The following LINGO2 variants were observed in gnomAD, a reference collection of about 807,000 sequenced individuals.
The protein encoded by LINGO2 is leucine-rich repeat and immunoglobulin-like domain-containing nogo receptor-interacting protein 2.
In LINGO2, 14 loss-of-function variants were observed where a neutral mutation model predicts 30.6. The observed-to-expected ratio is 0.46, with a 90% CI of 0.30 to 0.72. LINGO2 has a LOEUF of 0.72. Among genes scored for constraint, LINGO2 ranks in the 30% least tolerant of loss-of-function variants. The pLI, the probability that LINGO2 is intolerant of heterozygous loss-of-function variation, is 0.07. For missense variants in LINGO2, 729 were observed against 751.7 expected (o/e 0.97, Z 0.35); for synonymous variants, 317 against 288.5 (o/e 1.10, Z -1.00).
intron 1 of LINGO2, among the ~76,000 whole-genome samples, chr9:28,479,327 T>C (rs915288514): frequency 2.0e-5 from 3 of 151,986 alleles, no homozygotes; most frequent in Admixed American, 6.6e-5. Flanking sequence ...TGCTAGAAGA[T>C]ATTTTAGGTA....
chr9:28,416,284 A>T (rs1470199396), intron 2 of LINGO2, among the ~76,000 whole-genome samples: 2 of 152,150 alleles, frequency 1.3e-5, no homozygotes, highest in Admixed American at 1.3e-4. Context: ...TAAAGATGCT[A>T]GATTAATAAG....
the LINGO2 span, among the ~76,000 whole-genome samples, chr9:29,008,032 T>C: frequency 2.6e-5 from 4 of 152,138 alleles, no homozygotes; most frequent in African/African-American, 9.7e-5. Flanking sequence ...ACCCATTAAC[T>C]TGCCATTTAA....
At chr9:29,186,106 A>T in the LINGO2 span, among the ~76,000 whole-genome samples, 4 of 152,114 alleles carry the variant, frequency 2.6e-5, no homozygotes, top group Non-Finnish European at 5.9e-5. Context: ...TATTTCTCAC[A>T]TTCCAATTTT....
At chr9:29,098,712 G>T in the LINGO2 span, among the ~76,000 whole-genome samples, 1 of 152,070 alleles carries the variant, frequency 6.6e-6, no homozygotes, top group Non-Finnish European at 1.5e-5. Context: ...TGCTGATATT[G>T]TACTTTATAT....
intron 1 of LINGO2, among the ~76,000 whole-genome samples, chr9:28,572,624 T>C (rs1307192249): frequency 6.6e-6 from 1 of 152,044 alleles, no homozygotes; most frequent in African/African-American, 2.4e-5. Context: ...AATTGAAGGA[T>C]TTAAGGGGAA....
Position 28,067,093 on chromosome 9 carries a change from T to C in LINGO2, c.-86-54688A>G, listed in dbSNP as rs577953286. 3.9e-5 allele frequency among the ~76,000 whole-genome samples: 6 copies of C among 152,262 alleles called. No homozygotes were observed. In the South Asian group the frequency reaches 6.2e-4, roughly 16 times the overall value. On this transcript the variant is annotated intron_variant, in intron 4 of 5. Coordinates refer to ENST00000379992, the Ensembl canonical transcript of LINGO2. Reference sequence around the variant, plus strand: ...TATGAACTCTGGTCCTCTTATTTTATGCCAGCACTCAAAGTTTCAAAATAT... The same window carrying C: ...TATGAACTCTGGTCCTCTTATTTTACGCCAGCACTCAAAGTTTCAAAATAT...
the LINGO2 span, among the ~76,000 whole-genome samples, chr9:28,710,751 C>A: frequency 6.6e-6 from 1 of 152,002 alleles, no homozygotes; most frequent in Non-Finnish European, 1.5e-5. Context: ...CTTGATTAAC[C>A]CTCCAATTAC....
the LINGO2 span, among the ~76,000 whole-genome samples, chr9:29,087,076 CA>C: frequency 6.6e-6 from 1 of 152,126 alleles, no homozygotes; most frequent in South Asian, 2.1e-4. Flanking sequence ...GGGGTTTCAC[CA>C]TGTTGGCCAG....
chr9:29,204,317 C>A, the LINGO2 span, among the ~76,000 whole-genome samples: 3 of 152,300 alleles, frequency 2.0e-5, no homozygotes, highest in East Asian at 3.9e-4. Flanking sequence ...ATGGATAAAT[C>A]CCTGTCATTC....
At chr9:28,975,129 G>A in the LINGO2 span, among the ~76,000 whole-genome samples, 3 of 152,082 alleles carry the variant, frequency 2.0e-5, no homozygotes, top group Non-Finnish European at 2.9e-5. Flanking sequence ...ACACCAAGGT[G>A]CAAGATAAAG....
intron 2 of LINGO2, among the ~76,000 whole-genome samples, chr9:28,377,759 T>C (rs866882619): frequency 1.3e-5 from 2 of 152,176 alleles, no homozygotes; most frequent in South Asian, 2.1e-4. Context: ...TCAAGACTTC[T>C]CTATTTCAGA....
chr9:28,956,802 C>T, the LINGO2 span, among the ~76,000 whole-genome samples: 2 of 133,956 alleles, frequency 1.5e-5, no homozygotes, highest in Non-Finnish European at 3.1e-5. Context: ...CCTCTTCTTT[C>T]CTTGTCATTC....
the LINGO2 span, among the ~76,000 whole-genome samples, chr9:28,989,966 G>A: frequency 4.1e-3 from 623 of 152,292 alleles, 4 homozygotes; most frequent in Admixed American, 0.011. Context: ...CGTGAGCGAC[G>A]CAGAAGACGG....
the LINGO2 span, among the ~76,000 whole-genome samples, chr9:29,083,035 G>C: frequency 6.6e-6 from 1 of 151,964 alleles, no homozygotes; most frequent in Non-Finnish European, 1.5e-5. Flanking sequence ...CGATTCCTCA[G>C]GGATCTAGAA....
chr9:28,201,991 C>T (rs1337214526), intron 4 of LINGO2, among the ~76,000 whole-genome samples: 1 of 152,118 alleles, frequency 6.6e-6, no homozygotes, highest in East Asian at 1.9e-4. Flanking sequence ...CTTCTGGGCC[C>T]TATTCTATGC....
intron 1 of LINGO2, among the ~76,000 whole-genome samples, chr9:28,561,780 T>TATAC (rs1823096229): frequency 3.7e-5 from 4 of 107,610 alleles, no homozygotes; most frequent in Admixed American, 3.6e-4. Context: ...TATATATATA[T>TATAC]AAAAAATATG....
the LINGO2 span, among the ~76,000 whole-genome samples, chr9:28,909,035 CAAAT>C: frequency 1.3e-5 from 2 of 151,956 alleles, no homozygotes; most frequent in African/African-American, 2.4e-5. Flanking sequence ...AAGAAACAAA[CAAAT>C]AAGTTGTATC....
At chr9:29,112,101 AT>A in the LINGO2 span, among the ~76,000 whole-genome samples, 3 of 151,882 alleles carry the variant, frequency 2.0e-5, no homozygotes, top group Admixed American at 2.0e-4. Flanking sequence ...TTATATCTGA[AT>A]TTATTATCTT....
intron 3 of LINGO2, among the ~76,000 whole-genome samples, chr9:28,345,259 T>C (rs191697605): frequency 6.6e-6 from 1 of 152,310 alleles, no homozygotes; most frequent in Non-Finnish European, 1.5e-5. Flanking sequence ...ATATTTTTTC[T>C]TTTAATTCAT....
Sources: gnomAD v4.1 joint callset for allele counts (sites outside exome capture counted in the v4.1 genomes callset) on GRCh38, gnomAD v4.1.1 for gene constraint, MANE v1.5 for transcripts, NCBI Gene and HGNC (gene_info 2026-07-23, HGNC 2026-07-21) for gene names.